GPR143: variants seen among roughly 807,000 people sequenced by gnomAD.
The protein encoded by GPR143 is G protein-coupled receptor 143.
A neutral mutation model predicts 27.6 loss-of-function variants in GPR143; 8 were observed. That is an observed-to-expected ratio of 0.29 (90% CI 0.17 to 0.52). The LOEUF is 0.52. GPR143 is among the 20% of genes least tolerant of loss of function. The probability of loss-of-function intolerance (pLI) is 0.96; values close to 1 mark genes in which losing one functional copy is unlikely to be tolerated. For synonymous variants in GPR143, 156 were observed against 153.2 expected (o/e 1.02, Z -0.13); for missense variants, 303 against 343.1 (o/e 0.88, Z 0.92).
intron 8 of GPR143, among the ~76,000 whole-genome samples, chrX:9,732,030 AAAAG>A (rs1319103299): frequency 1.8e-5 from 2 of 112,274 alleles, no homozygotes. Flanking sequence ...GAATTATAGA[AAAAG>A]AGATCTGTGA....
At chrX:9,775,206 G>A (rs1024115392) in intron 1 of GPR143, among the ~76,000 whole-genome samples, 3 of 111,923 alleles carry the variant, frequency 2.7e-5, no homozygotes, top group Non-Finnish European at 3.8e-5. Flanking sequence ...GTGGTTGTTC[G>A]GTATTGACCT....
chrX:9,732,649 G>A (rs2083359676), intron 8 of GPR143, among the ~76,000 whole-genome samples: 1 of 110,227 alleles, frequency 9.1e-6, no homozygotes, highest in Non-Finnish European at 1.9e-5. Context: ...GATCACTTGA[G>A]GTCGGGAGTT....
chrX:9,740,032 G>T (rs1456188284), intron 7 of GPR143, among the ~76,000 whole-genome samples: 1 of 108,447 alleles, frequency 9.2e-6, no homozygotes, highest in Non-Finnish European at 1.9e-5. Context: ...GAGGAGGGAA[G>T]ACAGGAGAAG....
chrX:9,765,659 C>T lies in GPR143; in HGVS notation c.159G>A (p.Arg53=), dbSNP rs2083528513. The T allele has an allele frequency of 5.0e-6, 5 of 990,690 alleles. No homozygotes were observed. Among genetic ancestry groups the T allele is most frequent in the Non-Finnish European group, 6.3e-6 (5 of 789,879 alleles). The allele number at this position is 990,690 out of a possible 1,213,427, so 81.6% of individuals were successfully genotyped here. The change falls in exon 1 of 9, where the codon CGG becomes CGA. Residue 53 remains arginine (R), a synonymous_variant. Coordinates refer to ENST00000467482, the MANE Select transcript of GPR143 (RefSeq NM_000273.3). The stretch of plus-strand genomic sequence containing the variant: ...TCGCGGGGGACCCGGGGCCCGCGGG[C>T]CGGCGGCCGGGCAGCAGCTGCAGAA... The part of the protein sequence containing the change: ...LGLLQLLPGR[R]PAGPGSPATS...
intron 8 of GPR143, among the ~76,000 whole-genome samples, chrX:9,733,166 G>T (rs1220233936): frequency 9.0e-6 from 1 of 111,244 alleles, no homozygotes; most frequent in Non-Finnish European, 1.9e-5. Context: ...GAAAGGCAAG[G>T]ATTGTGGCAG....
intron 4 of GPR143, 26 bp downstream of exon 4, chrX:9,748,548 C>A (rs749863525): frequency 2.2e-5 from 22 of 1,016,282 alleles, no homozygotes; most frequent in Non-Finnish European, 2.9e-5. Context: ...GATGGGGCTG[C>A]CTGGGGCGCT....
At chrX:9,773,501 AC>A (rs1348416903) in intron 1 of GPR143, among the ~76,000 whole-genome samples, 4 of 110,672 alleles carry the variant, frequency 3.6e-5, no homozygotes, top group Non-Finnish European at 7.6e-5. Context: ...ACACACACAC[AC>A]ACACACACAT....
chrX:9,753,048 A>G (rs1183957451), intron 3 of GPR143, among the ~76,000 whole-genome samples: 2 of 110,925 alleles, frequency 1.8e-5, no homozygotes, highest in African/African-American at 6.6e-5. Context: ...CTTTTCATCT[A>G]TTCAAAAAAA....
chrX:9,771,706 TCTC>T (rs1569127748), intron 1 of GPR143, among the ~76,000 whole-genome samples: 1 of 33,686 alleles, frequency 3.0e-5, no homozygotes, highest in African/African-American at 1.3e-4. Context: ...TGGAGCATTC[TCTC>T]TCTTTTTTTT....
chrX:9,743,038 C>T (rs541686472), intron 6 of GPR143, among the ~76,000 whole-genome samples: 5 of 109,997 alleles, frequency 4.5e-5, no homozygotes, highest in Non-Finnish European at 9.5e-5. Context: ...ACCTGAGAGG[C>T]GGAGGTTGCA....
At chrX:9,758,803 G>A (rs774977757) in intron 3 of GPR143, among the ~76,000 whole-genome samples, 15 of 111,003 alleles carry the variant, frequency 1.4e-4, no homozygotes, top group South Asian at 3.9e-4. Flanking sequence ...TGGAAGAATC[G>A]CTTGAGCCTG....
chrX:9,750,747 G>C (rs2083447973), intron 3 of GPR143, among the ~76,000 whole-genome samples: 1 of 111,320 alleles, frequency 9.0e-6, no homozygotes, highest in Non-Finnish European at 1.9e-5. Context: ...ATTTTTAGTA[G>C]AGGCAGCATT....
Position 9,752,810 on chromosome X carries a change from C to T in GPR143, c.456-4144G>A, listed in dbSNP as rs918436879. Among the ~76,000 whole-genome samples the T allele has an allele frequency of 7.3e-4, 81 of 110,461 alleles. 1 individual carries two copies. The highest frequency in any genetic ancestry group is 2.5e-3 in the African/African-American group (77 of 30,340). On this transcript the variant is annotated intron_variant, in intron 3 of 8. Transcript: ENST00000467482. Reference sequence around the variant, plus strand: ...GCAGTGAGCTGTGATCATGCCACTGCCCTCCAGCCTAGATGACAGAGTGAG... The same window carrying T: ...GCAGTGAGCTGTGATCATGCCACTGTCCTCCAGCCTAGATGACAGAGTGAG...
chrX:9,768,177 G>A (rs1202498061), upstream of GPR143, among the ~76,000 whole-genome samples: 12 of 111,917 alleles, frequency 1.1e-4, no homozygotes. Flanking sequence ...AGGTGCAGAA[G>A]CATGAGTGTA....
rs772258365 is a variant in GPR143, at chrX:9,743,561, T to TAATTAAATTATTAA, written c.767+3_767+4insTTAATAATTTAATT. On this transcript the variant is annotated splice_donor_region_variant and intron_variant, in intron 6 of 8. Transcript: ENST00000467482. ...AAAATACACATATATAGAAGAAAGG[T>TAATTAAATTATTAA]TACCAAATAATTAAAACCAGCATGA... 1.7e-5 allele frequency: 18 copies of TAATTAAATTATTAA among 1,050,644 alleles called. No individual in the cohort carries two copies. In the African/African-American group the frequency reaches 3.0e-4, roughly 17 times the overall value. The allele number at this position is 1,050,644 out of a possible 1,213,427, so 86.6% of individuals were successfully genotyped here.
At chrX:9,772,768 A>C (rs2083558532) in intron 1 of GPR143, among the ~76,000 whole-genome samples, 1 of 97,188 alleles carries the variant, frequency 1.0e-5, no homozygotes, top group African/African-American at 3.8e-5. Context: ...GAGCCGTGAT[A>C]GTGTCACTGC....
intron 3 of GPR143, among the ~76,000 whole-genome samples, chrX:9,749,189 T>G (rs1275200823): frequency 9.1e-6 from 1 of 110,455 alleles, no homozygotes; most frequent in Non-Finnish European, 1.9e-5. Context: ...GTGAGTGAGT[T>G]CTCACGAGAG....
At chrX:9,765,273 G>A (rs1306602256) in intron 1 of GPR143, among the ~76,000 whole-genome samples, 1 of 107,189 alleles carries the variant, frequency 9.3e-6, no homozygotes, top group Non-Finnish European at 1.9e-5. Context: ...GATTGAGCAG[G>A]TCCCAACCCC....
At chrX:9,763,343 T>G (rs187849825) in intron 1 of GPR143, among the ~76,000 whole-genome samples, 11 of 110,653 alleles carry the variant, frequency 9.9e-5, no homozygotes, top group African/African-American at 3.6e-4. Context: ...GCCAGTGTGG[T>G]GATGCATGCC....
Sources: allele counts gnomAD v4.1 joint callset (sites outside exome capture counted in the v4.1 genomes callset), GRCh38; gene constraint gnomAD v4.1.1; transcripts MANE v1.5; gene names NCBI Gene and HGNC (gene_info 2026-07-23, HGNC 2026-07-21).